Variants in POU2F1 observed in about 807,000 individuals in gnomAD.
POU2F1 encodes the protein POU domain, class 2, transcription factor 1.
In POU2F1, 16 loss-of-function variants were observed where a neutral mutation model predicts 84.9. That is an observed-to-expected ratio of 0.19 (90% confidence interval 0.13 to 0.29). POU2F1 has a LOEUF of 0.29. Among genes scored for constraint, POU2F1 ranks in the 10% least tolerant of loss-of-function variants. The pLI is 1.00. For missense variants in POU2F1, 738 were observed against 942.6 expected, an observed-to-expected ratio of 0.78 and a Z score of 2.84; for synonymous variants, 368 against 368.3, an observed-to-expected ratio of 1.00 and a Z score of 0.01.
intron 7 of POU2F1, chr1:167,383,420 T>C (rs1181183351): frequency 6.5e-6 from 1 of 153,794 alleles, no homozygotes; most frequent in African/African-American, 2.4e-5. Context: ...TTCAACTTTA[T>C]TATCACCAAC....
rs885458 is a variant in POU2F1 at position 167,424,398 on chromosome 1, G to T, written c.*8588G>T. ...CTCAGTCCGCAGGAGGTCTCACTCC[G>T]CAGGAAACGCTCTCCTCCCGCATAA... On this transcript the variant is annotated 3_prime_UTR_variant, in exon 16 of 16. Transcript: ENST00000367866. The T allele has an allele frequency of 1.3e-5, 2 of 152,160 alleles. No individual in the cohort carries two copies. The highest frequency in any genetic ancestry group is 2.9e-5 in the Non-Finnish European group (2 of 68,060). 9.4% of individuals were successfully genotyped at this position (152,160 alleles called of 1,614,324 possible).
At chr1:167,263,833 C>T (rs899939659) in intron 1 of POU2F1, among the ~76,000 whole-genome samples, 7 of 152,092 alleles carry the variant, frequency 4.6e-5, no homozygotes, top group African/African-American at 1.7e-4. Context: ...GTTCTTGTGA[C>T]CTTCATAGAG....
chr1:167,279,583 T>C (rs1416323647), intron 1 of POU2F1, among the ~76,000 whole-genome samples: 1 of 152,194 alleles, frequency 6.6e-6, no homozygotes, highest in Non-Finnish European at 1.5e-5. Flanking sequence ...CCGTGCATGG[T>C]GGCTCACACC....
At position 167,418,049 on chromosome 1, in the gene POU2F1, G is replaced by A. The variant is rs916066637; in HGVS notation, c.*2239G>A. The A allele has an allele frequency of 6.6e-6, 1 of 152,066 alleles. No homozygotes were observed. Among genetic ancestry groups the A allele is most frequent in the African/African-American group, 2.4e-5 (1 of 41,406 alleles). The allele number at this position is 152,066 out of a possible 1,614,324, so 9.4% of individuals were successfully genotyped here. A position where few individuals can be genotyped will look rare whatever the true frequency, so the allele number is the denominator to read the frequency against. On this transcript the variant is annotated 3_prime_UTR_variant, in exon 16 of 16. Transcript: ENST00000367866. Reference sequence around the variant, plus strand: ...TCCATTCACCCTTTTTGTGTGGTGTGTTTTTTTATGTTTTGTTTTGTTTTT... The same window carrying A: ...TCCATTCACCCTTTTTGTGTGGTGTATTTTTTTATGTTTTGTTTTGTTTTT...
intron 9 of POU2F1, among the ~76,000 whole-genome samples, chr1:167,394,197 T>A (rs999949973): frequency 1.3e-5 from 2 of 151,936 alleles, no homozygotes; most frequent in Admixed American, 1.3e-4. Context: ...TTTTTGTATT[T>A]TTAACAGAGA....
At chr1:167,377,712 T>C (rs949430151) in intron 7 of POU2F1, among the ~76,000 whole-genome samples, 2 of 152,254 alleles carry the variant, frequency 1.3e-5, no homozygotes, top group Non-Finnish European at 2.9e-5. Flanking sequence ...TCAGGTTTGT[T>C]ATGTAGATAA....
intron 1 of POU2F1, among the ~76,000 whole-genome samples, chr1:167,300,685 G>A (rs376026133): frequency 1.2e-4 from 18 of 152,228 alleles, no homozygotes; most frequent in African/African-American, 3.6e-4. Context: ...GGATGGTCTC[G>A]ATCTCTTGAC....
intron 1 of POU2F1, among the ~76,000 whole-genome samples, chr1:167,237,773 T>TATATATATATATATA (rs1491447077): frequency 1.2e-4 from 6 of 50,948 alleles, no homozygotes; most frequent in Admixed American, 5.7e-4. Flanking sequence ...TATATATATA[T>TATATATATATATATA]TTTTTTTTTT....
At chr1:167,291,273 C>G (rs1246574232) in intron 1 of POU2F1, among the ~76,000 whole-genome samples, 1 of 152,186 alleles carries the variant, frequency 6.6e-6, no homozygotes, top group African/African-American at 2.4e-5. Flanking sequence ...ACATTTCTCT[C>G]TGCTCTAAAA....
At chr1:167,263,990 G>A (rs889085066) in intron 1 of POU2F1, among the ~76,000 whole-genome samples, 8 of 152,128 alleles carry the variant, frequency 5.3e-5, no homozygotes, top group Non-Finnish European at 7.4e-5. Flanking sequence ...CCAATCCTGG[G>A]TTATGATGGT....
intron 3 of POU2F1, among the ~76,000 whole-genome samples, chr1:167,367,867 C>T (rs994770205): frequency 4.0e-5 from 6 of 151,862 alleles, no homozygotes; most frequent in African/African-American, 4.8e-5. Flanking sequence ...AAGGGATCTT[C>T]TTGCCTTGCA....
chr1:167,334,029 A>G (rs1657255733), intron 2 of POU2F1, among the ~76,000 whole-genome samples: 2 of 152,166 alleles, frequency 1.3e-5, no homozygotes, highest in African/African-American at 2.4e-5. Context: ...AAGATAAGCA[A>G]ATGATTGGAA....
intron 7 of POU2F1, among the ~76,000 whole-genome samples, chr1:167,382,174 A>G (rs1647615607): frequency 6.6e-6 from 1 of 152,216 alleles, no homozygotes; most frequent in Admixed American, 6.5e-5. Context: ...GTAAACATGT[A>G]AACAAATGGT....
chr1:167,273,779 C>T (rs1383031815), intron 1 of POU2F1, among the ~76,000 whole-genome samples: 1 of 152,182 alleles, frequency 6.6e-6, no homozygotes, highest in Admixed American at 6.6e-5. Flanking sequence ...AGTGTATGGA[C>T]AAGAACTTGA....
chr1:167,242,192 T>C (rs539952326), intron 1 of POU2F1, among the ~76,000 whole-genome samples: 56 of 152,332 alleles, frequency 3.7e-4, no homozygotes, highest in Admixed American at 7.2e-4. Context: ...ATGGTTTAAC[T>C]AAGAAGCACC....
Position 167,417,858 on chromosome 1 carries a change from G to A in POU2F1, c.*2048G>A, listed in dbSNP as rs1406156418. On this transcript the variant is annotated 3_prime_UTR_variant, in exon 16 of 16. Transcript: ENST00000367866. The stretch of plus-strand genomic sequence containing the variant: ...CAAGTGGGAGACAGTCTGTTAAAAG[G>A]TCAGAAACATTTTAGTCCCCTTTAA... 1 of 152,180 alleles carries A rather than the reference G, an allele frequency of 6.6e-6. No homozygotes were observed. The highest frequency in any genetic ancestry group is 6.5e-5 in the Admixed American group (1 of 15,274). 9.4% of individuals were successfully genotyped at this position (152,180 alleles called of 1,614,324 possible).
chr1:167,304,678 G>A (rs1004259924), intron 1 of POU2F1, among the ~76,000 whole-genome samples: 2 of 152,098 alleles, frequency 1.3e-5, no homozygotes, highest in African/African-American at 4.8e-5. Flanking sequence ...GTAATTCAAA[G>A]ATATGAATCT....
chr1:167,396,087 G>C (rs930240582), intron 9 of POU2F1, among the ~76,000 whole-genome samples, 199 bp from the exon 10 acceptor site: 1 of 152,122 alleles, frequency 6.6e-6, no homozygotes, highest in African/African-American at 2.4e-5. Context: ...ACATTGTAAC[G>C]ATCAGGCCTA....
At chr1:167,273,978 T>G (rs2102477003) in intron 1 of POU2F1, among the ~76,000 whole-genome samples, 1 of 152,368 alleles carries the variant, frequency 6.6e-6, no homozygotes, top group South Asian at 2.1e-4. Context: ...ATGTTTAATC[T>G]CTATGTGAAA....
Sources: gnomAD v4.1 joint callset for allele counts (sites outside exome capture counted in the v4.1 genomes callset) on GRCh38, gnomAD v4.1.1 for gene constraint, MANE v1.5 for transcripts, NCBI Gene and HGNC (gene_info 2026-07-23, HGNC 2026-07-21) for gene names.